The following CAMK2A variants were observed in gnomAD, a reference collection of about 807,000 sequenced individuals.
CAMK2A encodes calcium/calmodulin dependent protein kinase II alpha, also known as calcium/calmodulin-dependent protein kinase type II subunit alpha.
A neutral mutation model predicts 79.2 loss-of-function variants in CAMK2A; 7 were observed. That is an observed-to-expected ratio of 0.09 (90% CI 0.05 to 0.17). The LOEUF is 0.17. CAMK2A is among the 10% of genes least tolerant of loss of function. CAMK2A has a pLI of 1.00. For synonymous variants in CAMK2A, 242 were observed against 251.7 expected, an observed-to-expected ratio of 0.96 and a Z score of 0.36; for missense variants, 214 against 646.4, an observed-to-expected ratio of 0.33 and a Z score of 7.25.
chr5:150,255,552 G>A (rs1756020305), intron 6 of CAMK2A, among the ~76,000 whole-genome samples: 1 of 152,236 alleles, frequency 6.6e-6, no homozygotes, highest in Non-Finnish European at 1.5e-5. Flanking sequence ...CAAGCTGGAG[G>A]TTTGGTCTCT....
chr5:150,230,254 G>C (rs529311557), intron 16 of CAMK2A, among the ~76,000 whole-genome samples: 1 of 139,236 alleles, frequency 7.2e-6, no homozygotes, highest in African/African-American at 2.8e-5. Context: ...GGAGACGGAG[G>C]TTGCAGTGAG....
At chr5:150,279,853 G>A (rs775596327) in intron 1 of CAMK2A, among the ~76,000 whole-genome samples, 9 of 152,218 alleles carry the variant, frequency 5.9e-5, no homozygotes, top group Non-Finnish European at 1.0e-4. Context: ...CAAGATTCAC[G>A]CTGGGAAATT....
chr5:150,250,558 C>G, intron 10 of CAMK2A, 130 bp downstream of exon 10: 1 of 1,298,634 alleles, frequency 7.7e-7, no homozygotes, highest in South Asian at 1.4e-5. Context: ...CTGAGAACCA[C>G]AGCAGGGGCA....
chr5:150,262,466 T>G (rs975833905), intron 3 of CAMK2A, among the ~76,000 whole-genome samples: 1 of 152,152 alleles, frequency 6.6e-6, no homozygotes, highest in South Asian at 2.1e-4. Flanking sequence ...CTCTGGGGTC[T>G]TCCTGTGCTG....
In CAMK2A at chr5:150,221,242, C is replaced by T. The variant is rs1337216908; in HGVS notation, c.*1468G>A. On this transcript the variant is annotated 3_prime_UTR_variant, in exon 19 of 19. Transcript: ENST00000671881. Reference sequence around the variant, plus strand: ...AAAGAAAACAGTGCAGACAGTAGATCCTAGTGGATGTGCCAAGGTATTCCA... The same window carrying T: ...AAAGAAAACAGTGCAGACAGTAGATTCTAGTGGATGTGCCAAGGTATTCCA... 7.6e-6 allele frequency: 3 copies of T among 395,936 alleles called. No homozygotes were observed. Among genetic ancestry groups the T allele is most frequent in the Non-Finnish European group, 1.3e-5 (3 of 224,794 alleles). The allele number at this position is 395,936 out of a possible 1,614,324, so 24.5% of individuals were successfully genotyped here.
At chr5:150,228,128 G>A (rs1380857007) in intron 17 of CAMK2A, 64 bp downstream of exon 17, 22 of 1,374,232 alleles carry the variant, frequency 1.6e-5, no homozygotes, top group Non-Finnish European at 1.8e-5. Context: ...ACCCTGCTGT[G>A]CCATCCAGCA....
chr5:150,288,376 C>A (rs1298953452), intron 1 of CAMK2A, among the ~76,000 whole-genome samples: 1 of 152,200 alleles, frequency 6.6e-6, no homozygotes, highest in Non-Finnish European at 1.5e-5. Context: ...CACACATGCA[C>A]CCTTGCAAGG....
chr5:150,262,123 C>T (rs1580934665), intron 3 of CAMK2A, among the ~76,000 whole-genome samples: 1 of 152,308 alleles, frequency 6.6e-6, no homozygotes, highest in South Asian at 2.1e-4. Context: ...GCTTTGTGCA[C>T]AACACAGTTG....
chr5:150,248,339 T>C (rs1755666095), intron 11 of CAMK2A, among the ~76,000 whole-genome samples: 1 of 148,152 alleles, frequency 6.7e-6, no homozygotes, highest in Admixed American at 6.7e-5. Context: ...TATATATATA[T>C]ATATATTATA....
chr5:150,265,172 A>G, intron 2 of CAMK2A, 157 bp from the exon 3 acceptor site: 1 of 650,352 alleles, frequency 1.5e-6, no homozygotes, highest in Non-Finnish European at 2.9e-6. Context: ...TTCTCCAGGA[A>G]GACCATGGGG....
chr5:150,249,478 A>G (rs1229618072), intron 11 of CAMK2A, among the ~76,000 whole-genome samples: 1 of 152,014 alleles, frequency 6.6e-6, no homozygotes, highest in African/African-American at 2.4e-5. Flanking sequence ...TGGTGCCCCT[A>G]AGGGGTCAGG....
Position 150,257,588 on chromosome 5 carries a change from C to T in CAMK2A, c.247G>A (p.Gly83Arg). 1 of 1,570,658 alleles carries T rather than the reference C, an allele frequency of 6.4e-7. No individual in the cohort carries two copies. Among genetic ancestry groups the T allele is most frequent in the Non-Finnish European group, 8.6e-7 (1 of 1,157,958 alleles). ...AGGTCGAAGATCAGGTAGTGGTGTC[C>T]CTCCTCTGAGATGCTGTCATGTAGT... ...VRLHDSISEEGHHYLIFDLVT... is the reference protein window; with the variant it reads ...VRLHDSISEERHHYLIFDLVT... Residue 83 changes from glycine to arginine, a missense_variant, in exon 4 of 19, where the codon GGA becomes AGA. Coordinates refer to ENST00000671881, the MANE Select transcript of CAMK2A (RefSeq NM_015981.4).
chr5:150,245,950 C>T (rs1319764225), intron 12 of CAMK2A, among the ~76,000 whole-genome samples: 1 of 152,262 alleles, frequency 6.6e-6, no homozygotes, highest in Non-Finnish European at 1.5e-5. Context: ...CCTGAATGTC[C>T]AGCCCTGCCC....
At chr5:150,282,550 C>T (rs957227051) in intron 1 of CAMK2A, among the ~76,000 whole-genome samples, 1 of 152,220 alleles carries the variant, frequency 6.6e-6, no homozygotes, top group Admixed American at 6.5e-5. Flanking sequence ...AGAGAGAGGC[C>T]TCCAGGGGTA....
intron 16 of CAMK2A, among the ~76,000 whole-genome samples, chr5:150,230,461 A>G (rs1754794330): frequency 6.6e-6 from 1 of 152,206 alleles, no homozygotes; most frequent in African/African-American, 2.4e-5. Context: ...GTTATGCCCA[A>G]CTCAATTTAA....
chr5:150,225,749 ATTATTATTT>A (rs1354849828), intron 17 of CAMK2A, among the ~76,000 whole-genome samples: 1 of 41,334 alleles, frequency 2.4e-5, no homozygotes, highest in African/African-American at 4.5e-5. Context: ...TATTATTATT[ATTATTATTT>A]TTTTTAGATG....
Position 150,246,573 on chromosome 5 carries a change from A to G in CAMK2A, c.943+1199T>C, listed in dbSNP as rs116339810. Among the ~76,000 whole-genome samples the G allele has an allele frequency of 3.1e-3, 466 of 152,366 alleles. 1 individual carries two copies. The highest frequency in any genetic ancestry group is 5.0e-3 in the Non-Finnish European group (341 of 68,042). ...CAAAGCATATCAAGAGATTCAATCCAGCTCACAGGCCGCCATTTTGTGAGC... is the reference window on the plus strand; with the variant it reads ...CAAAGCATATCAAGAGATTCAATCCGGCTCACAGGCCGCCATTTTGTGAGC... On this transcript the variant is annotated intron_variant, in intron 12 of 18. Transcript: ENST00000671881.
chr5:150,286,913 C>T (rs1757447292), intron 1 of CAMK2A, among the ~76,000 whole-genome samples: 1 of 152,254 alleles, frequency 6.6e-6, no homozygotes, highest in Non-Finnish European at 1.5e-5. Flanking sequence ...GTGCCAGGCT[C>T]GAGGCTGCAT....
At chr5:150,289,863 G>A (rs1187580876), upstream of CAMK2A, 8 of 527,304 alleles carry the variant, frequency 1.5e-5, no homozygotes, top group South Asian at 2.6e-5. Flanking sequence ...CCCTGTTCCC[G>A]TTGCCCCGGT....
Sources: allele counts gnomAD v4.1 joint callset (sites outside exome capture counted in the v4.1 genomes callset), GRCh38; gene constraint gnomAD v4.1.1; transcripts MANE v1.5; gene names NCBI Gene and HGNC (gene_info 2026-07-23, HGNC 2026-07-21).